Variants in LDAH observed in about 807,000 individuals in gnomAD.
LDAH encodes the protein lipid droplet-associated hydrolase.
In LDAH, 26 loss-of-function variants were observed where a neutral mutation model predicts 29.6. That is an observed-to-expected ratio of 0.88 (90% CI 0.64 to 1.22). LDAH has a LOEUF of 1.22. Among genes scored for constraint, LDAH ranks in the 50% most tolerant of loss-of-function variants. The probability of loss-of-function intolerance (pLI) is 0.00; values close to 1 mark genes in which losing one functional copy is unlikely to be tolerated. For synonymous variants in LDAH, 117 were observed against 133.0 expected (o/e 0.88, Z 0.83); for missense variants, 344 against 387.3 (o/e 0.89, Z 0.94).
chr2:20,793,930 C>T (rs1671134973), intron 2 of LDAH, among the ~76,000 whole-genome samples: 2 of 152,230 alleles, frequency 1.3e-5, no homozygotes, highest in Admixed American at 6.5e-5. Flanking sequence ...TTCTATCAAA[C>T]ATTTAAGGAA....
chr2:20,740,015 T>G lies in LDAH; in HGVS notation c.659A>C (p.Glu220Ala). 1 of 1,614,118 alleles carries G rather than the reference T, an allele frequency of 6.2e-7. No homozygotes were observed. Among genetic ancestry groups the G allele is most frequent in the Non-Finnish European group, 8.5e-7 (1 of 1,179,982 alleles). The change falls in exon 5 of 7, where the codon GAG becomes GCG. Residue 220 changes from glutamate (E) to alanine (A), a missense_variant. Transcript: ENST00000237822. ...TATATTCAATGGTGAAAATTCATTC[T>G]CTAGGTTCATTACTTGAAGGCCCCT... is the stretch of plus-strand genomic sequence containing the variant. ...IRRGLQVMNL[E>A]NEFSPLNILE...
At chr2:20,748,385 T>C (rs1667724169) in intron 4 of LDAH, among the ~76,000 whole-genome samples, 1 of 152,258 alleles carries the variant, frequency 6.6e-6, no homozygotes, top group Non-Finnish European at 1.5e-5. Flanking sequence ...TTACATAACT[T>C]ATAACTGCAC....
chr2:20,817,951 T>C (rs1672966578), intron 1 of LDAH, among the ~76,000 whole-genome samples: 1 of 152,066 alleles, frequency 6.6e-6, no homozygotes, highest in South Asian at 2.1e-4. Context: ...TTGCCACGGG[T>C]TAGGGATAGG....
intron 1 of LDAH, among the ~76,000 whole-genome samples, chr2:20,806,917 A>G (rs115080735): frequency 0.039 from 5,955 of 151,880 alleles, 157 homozygotes; most frequent in African/African-American, 0.056. Context: ...GAAAATAGAA[A>G]AAAGATAATA....
At chr2:20,785,121 T>C (rs1670457491) in intron 3 of LDAH, among the ~76,000 whole-genome samples, 2 of 152,186 alleles carry the variant, frequency 1.3e-5, no homozygotes, top group African/African-American at 4.8e-5. Context: ...AAAAATAAAC[T>C]TTTTAAACCT....
At chr2:20,743,877 T>G (rs939373901) in intron 4 of LDAH, among the ~76,000 whole-genome samples, 9 of 151,688 alleles carry the variant, frequency 5.9e-5, no homozygotes, top group Non-Finnish European at 1.3e-4. Flanking sequence ...CCTGCAGTCC[T>G]TATTCTTTTT....
intron 1 of LDAH, among the ~76,000 whole-genome samples, chr2:20,801,804 C>T (rs1452245357): frequency 6.6e-6 from 1 of 152,078 alleles, no homozygotes; most frequent in Non-Finnish European, 1.5e-5. Context: ...CCCCTACCTT[C>T]ACCTGGTGAG....
chr2:20,800,656 C>A (rs747870318), intron 2 of LDAH, among the ~76,000 whole-genome samples: 1 of 151,852 alleles, frequency 6.6e-6, no homozygotes, highest in Admixed American at 6.6e-5. Flanking sequence ...TTTTTTGAGA[C>A]GGAGTCTCGC....
intron 4 of LDAH, among the ~76,000 whole-genome samples, chr2:20,766,190 A>G (rs1179857905): frequency 6.6e-6 from 1 of 152,158 alleles, no homozygotes; most frequent in Non-Finnish European, 1.5e-5. Flanking sequence ...CTTTACTGCA[A>G]TATATTTTTA....
chr2:20,765,334 G>A (rs751974808), intron 4 of LDAH, among the ~76,000 whole-genome samples: 3 of 152,012 alleles, frequency 2.0e-5, no homozygotes, highest in Non-Finnish European at 4.4e-5. Flanking sequence ...ACTGGCCAGT[G>A]GAATCACTAT....
chr2:20,787,368 A>G (rs1012742691), intron 3 of LDAH, among the ~76,000 whole-genome samples: 20 of 151,970 alleles, frequency 1.3e-4, no homozygotes, highest in African/African-American at 4.4e-4. Context: ...ATCTTGGCTC[A>G]CTGCAACCTC....
chr2:20,751,255 T>C (rs1009123189), intron 4 of LDAH, among the ~76,000 whole-genome samples: 1 of 152,212 alleles, frequency 6.6e-6, no homozygotes, highest in African/African-American at 2.4e-5. Context: ...ATTTTCAACA[T>C]TGTAAAACCT....
intron 5 of LDAH, among the ~76,000 whole-genome samples, chr2:20,731,535 T>C: frequency 6.6e-6 from 1 of 152,176 alleles, no homozygotes; most frequent in Admixed American, 6.5e-5. Context: ...CATTAATACA[T>C]GTTTACTATG....
intron 5 of LDAH, among the ~76,000 whole-genome samples, chr2:20,718,827 A>T (rs553178344): frequency 3.0e-4 from 45 of 152,312 alleles, no homozygotes; most frequent in Non-Finnish European, 5.0e-4. Context: ...TTCTGACCAC[A>T]ATGGAATAAA....
intron 4 of LDAH, among the ~76,000 whole-genome samples, chr2:20,773,299 T>C (rs1032538219): frequency 2.0e-5 from 3 of 151,706 alleles, no homozygotes; most frequent in Middle Eastern, 3.2e-3. Context: ...ATAACTTGTC[T>C]AAGATCAGAC....
intron 2 of LDAH, among the ~76,000 whole-genome samples, chr2:20,794,217 C>T (rs1671158768): frequency 6.6e-6 from 1 of 152,136 alleles, no homozygotes; most frequent in Non-Finnish European, 1.5e-5. Flanking sequence ...TTTCATAAGA[C>T]TTATTCACTA....
Position 20,812,820 on chromosome 2 carries a change from G to T in LDAH, c.-3+10217C>A, listed in dbSNP as rs145514432. Among the ~76,000 whole-genome samples, 4 of 152,262 alleles carry T rather than the reference G, an allele frequency of 2.6e-5. No individual in the cohort carries two copies. The East Asian group carries it at 7.7e-4, about 29-fold the overall frequency. ...AGCGTAAGAACCAAGGCAACAGTAA[G>T]AACTAATAACTGAGAGTGCTTTCTG... is the stretch of plus-strand genomic sequence containing the variant. On this transcript the variant is annotated intron_variant, in intron 1 of 6. Coordinates refer to ENST00000237822, the MANE Select transcript of LDAH (RefSeq NM_021925.4).
intron 1 of LDAH, among the ~76,000 whole-genome samples, chr2:20,803,947 T>C (rs1201350719): frequency 1.3e-5 from 2 of 152,216 alleles, no homozygotes; most frequent in Non-Finnish European, 2.9e-5. Flanking sequence ...CTCATGTGTC[T>C]GTGCAAATTT....
intron 5 of LDAH, among the ~76,000 whole-genome samples, chr2:20,705,414 T>G (rs1394596050): frequency 2.0e-5 from 3 of 152,148 alleles, no homozygotes; most frequent in Admixed American, 2.0e-4. Context: ...AGTGGGCCCA[T>G]TCACTGTTTG....
Sources: allele counts gnomAD v4.1 joint callset (sites outside exome capture counted in the v4.1 genomes callset), GRCh38; gene constraint gnomAD v4.1.1; transcripts MANE v1.5; gene names NCBI Gene and HGNC (gene_info 2026-07-23, HGNC 2026-07-21).